RBFOX1: variants seen among roughly 807,000 people sequenced by gnomAD.
The protein encoded by RBFOX1 is RNA binding protein fox-1 homolog 1.
RBFOX1 carries 8 observed loss-of-function variants against 57.7 expected under a neutral mutation model. The observed-to-expected ratio is 0.14, with a 90% CI of 0.08 to 0.25. RBFOX1 has a LOEUF of 0.25. RBFOX1 is among the 10% of genes least tolerant of loss of function. RBFOX1 has a pLI of 1.00. For synonymous variants in RBFOX1, 326 were observed against 222.4 expected, an observed-to-expected ratio of 1.47 and a Z score of -4.15; for missense variants, 611 against 548.5, an observed-to-expected ratio of 1.11 and a Z score of -1.14.
intron 2 of RBFOX1, among the ~76,000 whole-genome samples, chr16:6,422,487 C>G (rs150194751): frequency 0.016 from 2,450 of 152,122 alleles, 68 homozygotes; most frequent in African/African-American, 0.054. Flanking sequence ...TCTCACACTG[C>G]TATAAAGAAA....
chr16:5,827,871 GTCCATCCA>G (rs58720656), intron 3 of RBFOX1, among the ~76,000 whole-genome samples: 3,495 of 128,214 alleles, frequency 0.027, 201 homozygotes, highest in African/African-American at 0.1. Context: ...CCAGGCTTTT[GTCCATCCA>G]TCCATCCATC....
At chr16:5,623,536 G>C (rs564707303) in intron 3 of RBFOX1, among the ~76,000 whole-genome samples, 2 of 150,626 alleles carry the variant, frequency 1.3e-5, no homozygotes, top group Non-Finnish European at 3.0e-5. Context: ...ACCCTACATG[G>C]TACAGGTGCA....
At chr16:6,803,545 A>G (rs1260722306) in intron 3 of RBFOX1, among the ~76,000 whole-genome samples, 2 of 152,210 alleles carry the variant, frequency 1.3e-5, no homozygotes, top group African/African-American at 4.8e-5. Flanking sequence ...TGGAAAACAG[A>G]TAAACAAAAA....
rs186953394 is a variant in RBFOX1, at chr16:6,972,073, T to C, written c.-15-79984T>C. Among the ~76,000 whole-genome samples the C allele has an allele frequency of 6.3e-4, 96 of 152,310 alleles. 1 individual carries two copies. The highest frequency in any genetic ancestry group is 5.0e-3 in the East Asian group (26 of 5,180). ...CTTTTGTTTCCTTAACAAAGAGATA[T>C]ATTACAGCATTTTTTTCCCATTGTG... On this transcript the variant is annotated intron_variant, in intron 3 of 15. Transcript: ENST00000550418.
At chr16:5,952,349 C>A (rs1381731589) in intron 4 of RBFOX1, among the ~76,000 whole-genome samples, 1 of 152,012 alleles carries the variant, frequency 6.6e-6, no homozygotes, top group Non-Finnish European at 1.5e-5. Context: ...TGGGGTTTCA[C>A]CATGTTGACC....
At chr16:6,023,387 A>G (rs2095123476) in intron 1 of RBFOX1, among the ~76,000 whole-genome samples, 1 of 152,188 alleles carries the variant, frequency 6.6e-6, no homozygotes, top group African/African-American at 2.4e-5. Flanking sequence ...AGCTCGAACC[A>G]TCCCAAGCTA....
chr16:7,233,804 T>C (rs114613290), intron 4 of RBFOX1, among the ~76,000 whole-genome samples: 1 of 152,324 alleles, frequency 6.6e-6, no homozygotes, highest in African/African-American at 2.4e-5. Flanking sequence ...CTCTAGTTTA[T>C]TGTGCCTAAT....
At position 6,311,245 on chromosome 16, in the gene RBFOX1, G is replaced by A. The variant is rs553915563; in HGVS notation, c.-126-5750G>A. Among the ~76,000 whole-genome samples, 3 of 139,818 alleles carry A rather than the reference G, an allele frequency of 2.1e-5. No homozygotes were observed. The East Asian group carries it at 6.5e-4, about 30-fold the overall frequency. The allele number at this position is 139,818 out of a possible 152,430, so 91.7% of individuals were successfully genotyped here. A position where few individuals can be genotyped will look rare whatever the true frequency, so the allele number is the denominator to read the frequency against. ...CAGGAGGCAGAGGTTGCAGTGAGCTGAGATCGTGCCACCGTACTCCAGCCT... is the reference window on the plus strand; with the variant it reads ...CAGGAGGCAGAGGTTGCAGTGAGCTAAGATCGTGCCACCGTACTCCAGCCT... On this transcript the variant is annotated intron_variant, in intron 1 of 15. Transcript: ENST00000550418.
At chr16:6,089,114 G>A (rs1441761644) in intron 1 of RBFOX1, among the ~76,000 whole-genome samples, 1 of 150,936 alleles carries the variant, frequency 6.6e-6, no homozygotes, top group Non-Finnish European at 1.5e-5. Context: ...AAAAGACATT[G>A]ATATTAAAGA....
chr16:7,620,088 G>C (rs908504521), intron 10 of RBFOX1, among the ~76,000 whole-genome samples: 3 of 152,138 alleles, frequency 2.0e-5, no homozygotes, highest in African/African-American at 7.2e-5. Context: ...AAACACAATA[G>C]TTCAATAGCT....
chr16:6,793,987 G>T (rs932624752), intron 3 of RBFOX1, among the ~76,000 whole-genome samples: 1 of 152,146 alleles, frequency 6.6e-6, no homozygotes, highest in African/African-American at 2.4e-5. Flanking sequence ...GTATGATTCA[G>T]TAACTCCACC....
At chr16:6,772,942 G>T (rs1567182606) in intron 3 of RBFOX1, among the ~76,000 whole-genome samples, 1 of 146,478 alleles carries the variant, frequency 6.8e-6, no homozygotes, top group African/African-American at 2.5e-5. Flanking sequence ...GTGTGTGTGT[G>T]TATCTATATA....
chr16:6,104,928 A>G (rs2096360433), intron 1 of RBFOX1, among the ~76,000 whole-genome samples: 1 of 152,236 alleles, frequency 6.6e-6, no homozygotes, highest in African/African-American at 2.4e-5. Flanking sequence ...CATTAGGCAA[A>G]TACCTAGAAC....
chr16:6,953,462 C>G (rs528422387), intron 3 of RBFOX1, among the ~76,000 whole-genome samples: 1 of 151,950 alleles, frequency 6.6e-6, no homozygotes, highest in Non-Finnish European at 1.5e-5. Context: ...CTCAGCTCAC[C>G]GCAACCTCCA....
chr16:6,587,147 A>AT (rs993628526), intron 2 of RBFOX1, among the ~76,000 whole-genome samples: 8 of 151,888 alleles, frequency 5.3e-5, no homozygotes, highest in African/African-American at 1.4e-4. Context: ...ATCTAACTGA[A>AT]TTTTTTTTAT....
At position 6,068,763 on chromosome 16, in the gene RBFOX1, G is replaced by C. The variant is rs137869932; in HGVS notation, c.-127+48771G>C. 1.2e-4 allele frequency among the ~76,000 whole-genome samples: 19 copies of C among 152,286 alleles called. No individual in the cohort carries two copies. In the South Asian group the frequency reaches 3.9e-3, roughly 32 times the overall value. On this transcript the variant is annotated intron_variant, in intron 1 of 15. Coordinates refer to ENST00000550418, the MANE Select transcript of RBFOX1 (RefSeq NM_018723.4). ...CACTTACAGGTAGACATATAGCTTA[G>C]AAGCTGTATAAGCTCTGGAAAACTT...
chr16:5,427,559 T>C (rs185909336), intron 1 of RBFOX1, among the ~76,000 whole-genome samples: 958 of 152,068 alleles, frequency 6.3e-3, no homozygotes, highest in Middle Eastern at 0.017. Context: ...CACTCCAGCC[T>C]GGGCAACAGA....
intron 3 of RBFOX1, among the ~76,000 whole-genome samples, chr16:5,760,765 G>C (rs1167977563): frequency 6.6e-6 from 1 of 152,132 alleles, no homozygotes; most frequent in Non-Finnish European, 1.5e-5. Context: ...AAAAACCGCA[G>C]TTACTTTTGC....
At chr16:5,373,894 G>C (rs374454311) in intron 1 of RBFOX1, among the ~76,000 whole-genome samples, 233 of 152,182 alleles carry the variant, frequency 1.5e-3, no homozygotes, top group Non-Finnish European at 2.9e-3. Flanking sequence ...ATGAGCCACT[G>C]TGCCCAGCCA....
Sources: gnomAD v4.1 joint callset for allele counts (sites outside exome capture counted in the v4.1 genomes callset) on GRCh38, gnomAD v4.1.1 for gene constraint, MANE v1.5 for transcripts, NCBI Gene and HGNC (gene_info 2026-07-23, HGNC 2026-07-21) for gene names.